Variants in UBA6 observed in about 807,000 individuals in gnomAD.
UBA6 encodes the protein ubiquitin like modifier activating enzyme 6.
UBA6 carries 87 observed loss-of-function variants against 148.3 expected under a neutral mutation model. The ratio of observed to expected loss-of-function variants is 0.59; its 90% CI spans 0.49 to 0.70. The LOEUF (loss-of-function observed/expected upper bound fraction) is 0.70. Among genes scored for constraint, UBA6 ranks in the 30% least tolerant of loss-of-function variants. UBA6 has a pLI of 0.00. For missense variants in UBA6, 1,186 were observed against 1,241.2 expected (o/e 0.96, Z 0.67); for synonymous variants, 376 against 401.0 (o/e 0.94, Z 0.75).
At chr4:67,619,856 T>C (rs548975055) in intron 32 of UBA6, among the ~76,000 whole-genome samples, 18 of 152,346 alleles carry the variant, frequency 1.2e-4, no homozygotes, top group African/African-American at 3.6e-4. Context: ...AGTCATCATC[T>C]ACACACCCCT....
At position 67,613,292 on chromosome 4, in the gene UBA6, A is replaced by AC. The variant is rs1207277510; in HGVS notation, c.*5704_*5705insG. ...TAGTTTTTTCAAACAATATTGGTAA[A>AC]TAATTAAAGGTAACCAGGCACACAA... is the stretch of plus-strand genomic sequence containing the variant. On this transcript the variant is annotated 3_prime_UTR_variant, in exon 33 of 33. Transcript: ENST00000322244. 1.4e-4 allele frequency: 21 copies of AC among 152,374 alleles called. No homozygotes were observed. The East Asian group carries it at 1.7e-3, about 13-fold the overall frequency. The allele number at this position is 152,374 out of a possible 1,614,324, so 9.4% of individuals were successfully genotyped here.
intron 14 of UBA6, among the ~76,000 whole-genome samples, chr4:67,648,762 G>A (rs1046782232): frequency 3.3e-5 from 5 of 152,032 alleles, no homozygotes; most frequent in African/African-American, 1.2e-4. Flanking sequence ...CTGAGAGCCC[G>A]AGAATGCTAA....
chr4:67,637,291 C>T (rs1729182368), intron 19 of UBA6, among the ~76,000 whole-genome samples: 1 of 150,922 alleles, frequency 6.6e-6, no homozygotes, highest in Admixed American at 6.6e-5. Flanking sequence ...CCTGCCCGGC[C>T]AGCCGCCCCG....
At chr4:67,682,363 T>C in intron 2 of UBA6, 150 bp from the exon 3 acceptor site, 1 of 600,478 alleles carries the variant, frequency 1.7e-6, no homozygotes, top group Non-Finnish European at 3.0e-6. Context: ...ATTTCTGAAT[T>C]AAATGCCAAA....
At chr4:67,689,021 A>G (rs1014465284) in intron 2 of UBA6, among the ~76,000 whole-genome samples, 7 of 152,126 alleles carry the variant, frequency 4.6e-5, no homozygotes, top group African/African-American at 1.4e-4. Context: ...CAACTCTACA[A>G]TGGTGCAGAA....
chr4:67,618,075 T>C lies in UBA6; in HGVS notation c.*922A>G, dbSNP rs1577782491. The C allele has an allele frequency of 6.8e-6, 1 of 147,222 alleles. No homozygotes were observed. The highest frequency in any genetic ancestry group is 6.8e-5 in the Admixed American group (1 of 14,652). The allele number at this position is 147,222 out of a possible 1,614,324, so 9.1% of individuals were successfully genotyped here. On this transcript the variant is annotated 3_prime_UTR_variant, in exon 33 of 33. Coordinates refer to ENST00000322244, the MANE Select transcript of UBA6 (RefSeq NM_018227.6). ...AAAACACAAAATTTAATACCCTAATTAGGTTTCTGGAAAAAAAAAAGACTA... is the reference window on the plus strand; with the variant it reads ...AAAACACAAAATTTAATACCCTAATCAGGTTTCTGGAAAAAAAAAAGACTA...
chr4:67,621,501 T>C (rs1375512413), intron 32 of UBA6, among the ~76,000 whole-genome samples: 3 of 152,162 alleles, frequency 2.0e-5, no homozygotes, highest in Non-Finnish European at 2.9e-5. Context: ...AGCAGGTAAA[T>C]AGCTAATATA....
At chr4:67,682,869 T>A (rs757098260) in intron 2 of UBA6, among the ~76,000 whole-genome samples, 2 of 152,198 alleles carry the variant, frequency 1.3e-5, no homozygotes, top group Non-Finnish European at 2.9e-5. Context: ...TTTTAAAGAT[T>A]AGTTCGATAT....
At chr4:67,621,859 G>A (rs1237346488) in intron 32 of UBA6, among the ~76,000 whole-genome samples, 1 of 152,110 alleles carries the variant, frequency 6.6e-6, no homozygotes. Flanking sequence ...AGCAGTCATA[G>A]GACAGTAATA....
chr4:67,615,588 G>A lies in UBA6; in HGVS notation c.*3409C>T, dbSNP rs1728609529. ...TGTACTAGGAGTTACATAAAATGAT[G>A]TTCATTGTGAAACTGTAATTGCCTG... is the stretch of plus-strand genomic sequence containing the variant. On this transcript the variant is annotated 3_prime_UTR_variant, in exon 33 of 33. Transcript: ENST00000322244. 6.6e-6 allele frequency: 1 copy of A among 152,128 alleles called. No individual in the cohort carries two copies. 9.4% of individuals were successfully genotyped at this position (152,128 alleles called of 1,614,324 possible).
At chr4:67,648,425 G>A (rs1577807504) in intron 14 of UBA6, among the ~76,000 whole-genome samples, 1 of 146,238 alleles carries the variant, frequency 6.8e-6, no homozygotes, top group South Asian at 2.2e-4. Context: ...CTAACATCGC[G>A]CCATTGCACT....
chr4:67,651,010 A>G (rs1207830703), intron 13 of UBA6, among the ~76,000 whole-genome samples: 1 of 152,190 alleles, frequency 6.6e-6, no homozygotes, highest in African/African-American at 2.4e-5. Context: ...CTAAGAGAAG[A>G]GAATACTACA....
chr4:67,625,384 AT>A (rs915690108), intron 28 of UBA6, among the ~76,000 whole-genome samples, 197 bp from the exon 29 acceptor site: 11 of 147,658 alleles, frequency 7.4e-5, no homozygotes, highest in Non-Finnish European at 1.2e-4. Flanking sequence ...AAGAGAGCCA[AT>A]TTTTTTTAAT....
chr4:67,630,030 T>C (rs749600430), intron 26 of UBA6, among the ~76,000 whole-genome samples: 2 of 152,084 alleles, frequency 1.3e-5, no homozygotes, highest in African/African-American at 2.4e-5. Context: ...GAAATGTCAA[T>C]ATAAGGGAGC....
intron 19 of UBA6, 34 bp from the exon 20 acceptor site, chr4:67,635,592 A>G (rs760027007): frequency 4.5e-6 from 6 of 1,338,702 alleles, no homozygotes; most frequent in Non-Finnish European, 2.1e-6. Flanking sequence ...AAAACAAAAA[A>G]GTGAGCAATA....
chr4:67,665,835 C>T (rs1171072802), intron 9 of UBA6, among the ~76,000 whole-genome samples: 16 of 152,060 alleles, frequency 1.1e-4, no homozygotes, highest in Admixed American at 1.0e-3. Flanking sequence ...AAAAGATGCT[C>T]ATAATTTCTC....
At chr4:67,683,205 T>C (rs1730481570) in intron 2 of UBA6, among the ~76,000 whole-genome samples, 1 of 152,232 alleles carries the variant, frequency 6.6e-6, no homozygotes, top group African/African-American at 2.4e-5. Flanking sequence ...TCTACTATAG[T>C]ATGTACGAAA....
At chr4:67,649,547 C>A (rs1030276125) in intron 13 of UBA6, among the ~76,000 whole-genome samples, 13 of 151,992 alleles carry the variant, frequency 8.6e-5, no homozygotes, top group Admixed American at 2.0e-4. Flanking sequence ...TACAAATAAA[C>A]AGATTTTTTT....
At chr4:67,694,393 CTT>C (rs201952800) in intron 2 of UBA6, among the ~76,000 whole-genome samples, 1 of 140,826 alleles carries the variant, frequency 7.1e-6, no homozygotes, top group African/African-American at 2.6e-5. Context: ...CTTTGTATTT[CTT>C]TTTTTTTTTT....
Sources: gnomAD v4.1 joint callset for allele counts (sites outside exome capture counted in the v4.1 genomes callset) on GRCh38, gnomAD v4.1.1 for gene constraint, MANE v1.5 for transcripts, NCBI Gene and HGNC (gene_info 2026-07-23, HGNC 2026-07-21) for gene names.